The following HS6ST3 variants were observed in gnomAD, a reference collection of about 807,000 sequenced individuals.
HS6ST3 encodes heparan-sulfate 6-O-sulfotransferase 3.
HS6ST3 carries 12 observed loss-of-function variants against 36.7 expected under a neutral mutation model. The ratio of observed to expected loss-of-function variants is 0.33; its 90% confidence interval spans 0.21 to 0.53. The LOEUF (loss-of-function observed/expected upper bound fraction) is 0.53, where lower values mean the gene tolerates loss of function less well. Ranked by LOEUF, HS6ST3 falls within the 20% of genes least tolerant of loss-of-function variation. The pLI is 0.95. For missense variants in HS6ST3, 584 were observed against 640.9 expected, an observed-to-expected ratio of 0.91 and a Z score of 0.96; for synonymous variants, 240 against 257.5, an observed-to-expected ratio of 0.93 and a Z score of 0.65.
At chr13:96,434,211 C>T (rs12863966) in intron 1 of HS6ST3, among the ~76,000 whole-genome samples, 3,043 of 152,224 alleles carry the variant, frequency 0.02, 103 homozygotes, top group African/African-American at 0.067. Context: ...TGGCAGCCCT[C>T]ACAGACTGAT....
intron 1 of HS6ST3, among the ~76,000 whole-genome samples, chr13:96,178,771 G>A (rs908251419): frequency 6.6e-6 from 1 of 152,106 alleles, no homozygotes; most frequent in African/African-American, 2.4e-5. Context: ...TAGATGGGGA[G>A]TAAAGAATAG....
intron 1 of HS6ST3, among the ~76,000 whole-genome samples, chr13:96,757,996 A>C (rs1876875372): frequency 6.6e-6 from 1 of 151,960 alleles, no homozygotes; most frequent in African/African-American, 2.4e-5. Context: ...TATTTTCTCT[A>C]TTTTCTAAAC....
At chr13:96,630,621 C>A (rs2056528736) in intron 1 of HS6ST3, among the ~76,000 whole-genome samples, 1 of 152,020 alleles carries the variant, frequency 6.6e-6, no homozygotes, top group South Asian at 2.1e-4. Flanking sequence ...TTATCTCTTC[C>A]TCCTATACCC....
At chr13:96,655,979 A>G (rs1161554274) in intron 1 of HS6ST3, among the ~76,000 whole-genome samples, 2 of 152,270 alleles carry the variant, frequency 1.3e-5, no homozygotes, top group African/African-American at 2.4e-5. Context: ...GATTACCACA[A>G]TTATAATTCA....
chr13:96,217,912 C>A (rs760182326), intron 1 of HS6ST3, among the ~76,000 whole-genome samples: 4 of 152,112 alleles, frequency 2.6e-5, no homozygotes, highest in Non-Finnish European at 4.4e-5. Flanking sequence ...AGATAAATTT[C>A]TTTGCCCATC....
In HS6ST3 at chr13:96,836,371, A is replaced by G. The variant is rs1283984112; in HGVS notation, c.*3173A>G. The G allele has an allele frequency of 1.3e-5, 2 of 152,154 alleles. No individual in the cohort carries two copies. The highest frequency in any genetic ancestry group is 4.8e-5 in the African/African-American group (2 of 41,430). The allele number at this position is 152,154 out of a possible 1,614,324, so 9.4% of individuals were successfully genotyped here. On this transcript the variant is annotated 3_prime_UTR_variant, in exon 2 of 2. Coordinates refer to ENST00000376705, the MANE Select transcript of HS6ST3 (RefSeq NM_153456.4). ...TGTTTTATTAAGGACTAAGATACAC[A>G]CTTATCTATTCTGTCTCCTTCTAGC...
intron 1 of HS6ST3, among the ~76,000 whole-genome samples, chr13:96,402,431 G>T (rs2055456552): frequency 6.6e-6 from 1 of 152,112 alleles, no homozygotes; most frequent in Non-Finnish European, 1.5e-5. Context: ...TCAGTTTTAG[G>T]TCTGTATTTA....
intron 1 of HS6ST3, among the ~76,000 whole-genome samples, chr13:96,099,993 A>C (rs2053810220): frequency 6.6e-6 from 1 of 152,214 alleles, no homozygotes; most frequent in African/African-American, 2.4e-5. Flanking sequence ...ATAATATAGT[A>C]AAGAACAAGG....
intron 1 of HS6ST3, among the ~76,000 whole-genome samples, chr13:96,615,059 A>G (rs1023707379): frequency 2.0e-5 from 3 of 152,170 alleles, no homozygotes; most frequent in African/African-American, 4.8e-5. Flanking sequence ...ATTTTATATA[A>G]TAACTCATCT....
chr13:96,403,113 C>G (rs1202610510), intron 1 of HS6ST3, among the ~76,000 whole-genome samples: 1 of 152,126 alleles, frequency 6.6e-6, no homozygotes, highest in Non-Finnish European at 1.5e-5. Context: ...CTCATCATAG[C>G]TTTCATTTCC....
At chr13:96,190,537 A>G (rs1309622234) in intron 1 of HS6ST3, among the ~76,000 whole-genome samples, 2 of 152,128 alleles carry the variant, frequency 1.3e-5, no homozygotes, top group Non-Finnish European at 2.9e-5. Context: ...CATTCATGGC[A>G]TTCAACAAAT....
intron 1 of HS6ST3, among the ~76,000 whole-genome samples, chr13:96,765,223 C>G (rs1036986665): frequency 6.6e-6 from 1 of 152,138 alleles, no homozygotes; most frequent in East Asian, 1.9e-4. Context: ...AAGGCAGCCG[C>G]CACCGCGCCT....
At chr13:96,219,441 C>G (rs2139361727) in intron 1 of HS6ST3, among the ~76,000 whole-genome samples, 1 of 152,184 alleles carries the variant, frequency 6.6e-6, no homozygotes, top group South Asian at 2.1e-4. Flanking sequence ...TTCTGTTTGC[C>G]CATTTTCCCT....
intron 1 of HS6ST3, among the ~76,000 whole-genome samples, chr13:96,227,493 T>C (rs1469940336): frequency 6.6e-6 from 1 of 152,250 alleles, no homozygotes; most frequent in Non-Finnish European, 1.5e-5. Context: ...AAAGAACCTC[T>C]GTACTGTGAC....
chr13:96,542,902 T>C (rs1164293694), intron 1 of HS6ST3, among the ~76,000 whole-genome samples: 1 of 152,178 alleles, frequency 6.6e-6, no homozygotes, highest in Non-Finnish European at 1.5e-5. Context: ...CTCTGTTCAG[T>C]GTTCTAGATG....
chr13:96,541,095 C>A (rs529930572), intron 1 of HS6ST3, among the ~76,000 whole-genome samples: 1 of 152,136 alleles, frequency 6.6e-6, no homozygotes, highest in Non-Finnish European at 1.5e-5. Flanking sequence ...TGCAATGGCG[C>A]GATCTCGGCT....
intron 1 of HS6ST3, among the ~76,000 whole-genome samples, chr13:96,112,385 G>A (rs2053872493): frequency 1.3e-5 from 2 of 151,502 alleles, no homozygotes; most frequent in Admixed American, 1.3e-4. Context: ...TTTCTAGTGT[G>A]TTAAGGGATA....
At chr13:96,552,277 C>T (rs1244704903) in intron 1 of HS6ST3, among the ~76,000 whole-genome samples, 1 of 152,154 alleles carries the variant, frequency 6.6e-6, no homozygotes, top group African/African-American at 2.4e-5. Flanking sequence ...TTTTTCCTGA[C>T]CACCGCCTCA....
At chr13:96,741,551 T>C (rs1206461174) in intron 1 of HS6ST3, among the ~76,000 whole-genome samples, 3 of 152,270 alleles carry the variant, frequency 2.0e-5, no homozygotes, top group Middle Eastern at 6.8e-3. Flanking sequence ...AGCACCACTG[T>C]GTGCAGAGTT....
Sources: gnomAD v4.1 joint callset for allele counts (sites outside exome capture counted in the v4.1 genomes callset) on GRCh38, gnomAD v4.1.1 for gene constraint, MANE v1.5 for transcripts, NCBI Gene and HGNC (gene_info 2026-07-23, HGNC 2026-07-21) for gene names.